The following ZNF267 variants were observed in gnomAD, a reference collection of about 807,000 sequenced individuals.
The protein encoded by ZNF267 is zinc finger (C2H2).
ZNF267 carries 61 observed loss-of-function variants against 71.6 expected under a neutral mutation model. The observed-to-expected ratio is 0.85, with a 90% CI of 0.69 to 1.05. The LOEUF (loss-of-function observed/expected upper bound fraction) is 1.05. Ranked by LOEUF, ZNF267 falls within the 50% of genes least tolerant of loss-of-function variation. The pLI is 0.00. For synonymous variants in ZNF267, 288 were observed against 293.2 expected (o/e 0.98, Z 0.18); for missense variants, 852 against 870.0 (o/e 0.98, Z 0.26).
chr16:31,874,095 C>T, intron 1 of ZNF267, 126 bp downstream of exon 1: 2 of 1,080,714 alleles, frequency 1.9e-6, no homozygotes, highest in Non-Finnish European at 2.7e-6. Context: ...CGAGTCCCAA[C>T]TGGTGCAGCT....
At chr16:31,894,532 C>T (rs1202500899) in intron 3 of ZNF267, 1 of 510,590 alleles carries the variant, frequency 2.0e-6, no homozygotes, top group East Asian at 5.5e-5. Context: ...TTCTAACAAA[C>T]TACATCTTTC....
In ZNF267 at chr16:31,915,109, C is replaced by T; in HGVS notation, c.860C>T (p.Thr287Ile). The change falls in exon 4 of 4, where the codon ACC becomes ATC. Residue 287 changes from threonine (T) to isoleucine (I), a missense_variant. Transcript: ENST00000300870. Reference sequence around the variant, plus strand: ...TCATTAAAACATATTCAACATCAGACCATCCATATCAGAGAAAACTCATAT... The same window carrying T: ...TCATTAAAACATATTCAACATCAGATCATCCATATCAGAGAAAACTCATAT... Reference protein sequence around the residue: ...TQSLKHIQHQTIHIRENSYSY... With the variant: ...TQSLKHIQHQIIHIRENSYSY... 1.9e-6 allele frequency: 3 copies of T among 1,613,410 alleles called. No homozygotes were observed. The highest frequency in any genetic ancestry group is 2.5e-6 in the Non-Finnish European group (3 of 1,179,768).
chr16:31,905,350 A>C (rs1330201318), intron 3 of ZNF267, among the ~76,000 whole-genome samples: 1 of 152,048 alleles, frequency 6.6e-6, no homozygotes, highest in African/African-American at 2.4e-5. Context: ...TGGATTGGGG[A>C]AGTTCTCCTG....
intron 1 of ZNF267, chr16:31,875,099 G>C (rs886348937): frequency 2.3e-6 from 3 of 1,286,944 alleles, no homozygotes; most frequent in Admixed American, 2.3e-5. Flanking sequence ...GCACAGACAC[G>C]TTATCGGAAA....
intron 3 of ZNF267, chr16:31,914,254 A>G (rs1285277216): frequency 6.3e-6 from 3 of 473,964 alleles, no homozygotes; most frequent in East Asian, 3.4e-5. Context: ...GGCAAGGGCA[A>G]GGTGGCACAA....
chr16:31,911,539 A>T (rs1199547932), intron 3 of ZNF267, among the ~76,000 whole-genome samples: 2 of 150,630 alleles, frequency 1.3e-5, no homozygotes, highest in Non-Finnish European at 3.0e-5. Flanking sequence ...TTTATTTTTC[A>T]GTCTATGTGT....
At chr16:31,905,120 C>G (rs2084077618) in intron 3 of ZNF267, among the ~76,000 whole-genome samples, 1 of 152,176 alleles carries the variant, frequency 6.6e-6, no homozygotes, top group Non-Finnish European at 1.5e-5. Flanking sequence ...GGCCCCCACT[C>G]TCTTCTGGCT....
At chr16:31,893,413 G>A (rs1409801238) in intron 3 of ZNF267, among the ~76,000 whole-genome samples, 1 of 152,204 alleles carries the variant, frequency 6.6e-6, no homozygotes, top group Non-Finnish European at 1.5e-5. Context: ...CCATTATCTT[G>A]GTGATTAACA....
chr16:31,894,606 C>G, intron 3 of ZNF267: 1 of 486,212 alleles, frequency 2.1e-6, no homozygotes, highest in Non-Finnish European at 4.1e-6. Context: ...CAGATAATGA[C>G]TTCAGTGCTT....
intron 3 of ZNF267, among the ~76,000 whole-genome samples, chr16:31,903,795 G>C (rs1461199648): frequency 1.3e-5 from 2 of 152,014 alleles, no homozygotes; most frequent in African/African-American, 2.4e-5. Flanking sequence ...CTTCAGTTCT[G>C]CTCTGATCTT....
rs1368389682 is a variant in ZNF267, at chr16:31,916,250, A to G, written c.2001A>G (p.Lys667=). 1 of 1,614,164 alleles carries G rather than the reference A, an allele frequency of 6.2e-7. No homozygotes were observed. The highest frequency in any genetic ancestry group is 2.2e-5 in the East Asian group (1 of 44,878). Residue 667 remains lysine (K), a synonymous_variant, in exon 4 of 4, where the codon AAA becomes AAG. Transcript: ENST00000300870. ...ERPYKCEECG[K]AFNSRSYLTT... is the part of the protein sequence containing the mutation. Reference sequence around the variant, plus strand: ...CCTACAAATGTGAAGAATGTGGCAAAGCCTTCAACTCTAGGTCATACCTCA... The same window carrying G: ...CCTACAAATGTGAAGAATGTGGCAAGGCCTTCAACTCTAGGTCATACCTCA...
intron 1 of ZNF267, chr16:31,875,337 A>C: frequency 7.8e-7 from 1 of 1,284,238 alleles, no homozygotes; most frequent in Non-Finnish European, 1.0e-6. Context: ...GAGCAGCTGG[A>C]TGCCCTGGGG....
intron 2 of ZNF267, 48 bp from the exon 3 acceptor site, chr16:31,885,113 T>C: frequency 6.8e-7 from 1 of 1,473,686 alleles, no homozygotes; most frequent in Non-Finnish European, 9.1e-7. Flanking sequence ...AAATAAAAAA[T>C]AAAAAGAACC....
At position 31,884,565 on chromosome 16, in the gene ZNF267, C is replaced by T. The variant is rs1281612519; in HGVS notation, c.71C>T (p.Ala24Val). Residue 24 changes from alanine (A) to valine (V), a missense_variant, in exon 2 of 4, where the codon GCT becomes GTT. By Grantham distance (64) the Ala-to-Val change is moderately conservative (BLOSUM62 0). Transcript: ENST00000300870. ...SLEEWEHLEPAQKNLYQDVML... is the reference protein window; with the variant it reads ...SLEEWEHLEPVQKNLYQDVML... Reference sequence around the variant, plus strand: ...GAGGAGTGGGAACACCTGGAACCAGCTCAGAAGAATTTGTATCAGGATGTG... The same window carrying T: ...GAGGAGTGGGAACACCTGGAACCAGTTCAGAAGAATTTGTATCAGGATGTG... 1.2e-6 allele frequency: 2 copies of T among 1,613,976 alleles called. No homozygotes were observed. The highest frequency in any genetic ancestry group is 1.7e-6 in the Non-Finnish European group (2 of 1,179,984).
At chr16:31,888,191 T>A (rs1034512641) in intron 3 of ZNF267, among the ~76,000 whole-genome samples, 22 of 152,226 alleles carry the variant, frequency 1.4e-4, no homozygotes, top group Admixed American at 5.9e-4. Flanking sequence ...ATGGAAATGC[T>A]ACTAATTTTT....
chr16:31,902,383 G>T (rs1201735710), intron 3 of ZNF267, among the ~76,000 whole-genome samples: 1 of 151,998 alleles, frequency 6.6e-6, no homozygotes, highest in East Asian at 1.9e-4. Context: ...ATTACCTTGG[G>T]CAGTATGGCC....
At chr16:31,895,260 C>T (rs1402305976) in intron 3 of ZNF267, among the ~76,000 whole-genome samples, 1 of 152,176 alleles carries the variant, frequency 6.6e-6, no homozygotes, top group Non-Finnish European at 1.5e-5. Flanking sequence ...ACATGAGATT[C>T]TCCAAGTCCA....
intron 3 of ZNF267, among the ~76,000 whole-genome samples, chr16:31,895,711 T>G (rs1172664152): frequency 6.6e-6 from 1 of 152,252 alleles, no homozygotes; most frequent in Non-Finnish European, 1.5e-5. Flanking sequence ...GATTTGCATT[T>G]CCTGTCTGAT....
chr16:31,915,284 C>T lies in ZNF267; in HGVS notation c.1035C>T (p.Thr345=), dbSNP rs542465068. Residue 345 remains threonine (T), a synonymous_variant, in exon 4 of 4, where the codon ACC becomes ACT. Transcript: ENST00000300870. The part of the protein sequence containing the change: ...LHLTQHQIIP[T]EEKPCKWKEC... ...TTACTCAACATCAGATCATTCCTAC[C>T]GAAGAGAAACCCTGTAAATGGAAAG... 6.0e-5 allele frequency: 97 copies of T among 1,613,556 alleles called. No homozygotes were observed. The highest frequency in any genetic ancestry group is 8.3e-5 in the Admixed American group (5 of 59,998).
Sources: allele counts gnomAD v4.1 joint callset (sites outside exome capture counted in the v4.1 genomes callset), GRCh38; gene constraint gnomAD v4.1.1; transcripts MANE v1.5; gene names NCBI Gene and HGNC (gene_info 2026-07-23, HGNC 2026-07-21).